The following RTL9 variants were observed in gnomAD, a reference collection of about 807,000 sequenced individuals.
The protein encoded by RTL9 is retrotransposon Gag like 9, also known as retrotransposon Gag-like protein 9.
A neutral mutation model predicts 44.7 loss-of-function variants in RTL9; 19 were observed. That is an observed-to-expected ratio of 0.42 (90% CI 0.30 to 0.62). RTL9 has a LOEUF of 0.62. Among genes scored for constraint, RTL9 ranks in the 20% least tolerant of loss-of-function variants. The pLI is 0.16. For synonymous variants in RTL9, 407 were observed against 398.9 expected (o/e 1.02, Z -0.24); for missense variants, 1,105 against 1,080.6 (o/e 1.02, Z -0.32).
intron 1 of RTL9, among the ~76,000 whole-genome samples, chrX:110,400,498 C>T (rs921244317): frequency 5.4e-5 from 6 of 110,562 alleles, no homozygotes; most frequent in Non-Finnish European, 1.1e-4. Flanking sequence ...TACCCTACCT[C>T]TTCTGACTCC....
At chrX:110,417,258 G>A (rs974111110), upstream of RTL9, among the ~76,000 whole-genome samples, 10 of 112,195 alleles carry the variant, frequency 8.9e-5, no homozygotes, top group African/African-American at 3.2e-4. Flanking sequence ...GGAGTGAAGA[G>A]GCAGCAGGCC....
intron 1 of RTL9, among the ~76,000 whole-genome samples, chrX:110,374,660 G>T (rs1265333792): frequency 1.8e-5 from 2 of 112,068 alleles, no homozygotes; most frequent in African/African-American, 6.5e-5. Context: ...GTTAAAGAAG[G>T]TTTCATAAAG....
intron 1 of RTL9, among the ~76,000 whole-genome samples, chrX:110,429,485 TTG>T (rs780140417): frequency 0.16 from 16,164 of 99,130 alleles, 1,100 homozygotes; most frequent in Non-Finnish European, 0.2. Context: ...TTTTGTTTTT[TTG>T]GTTTTTTTGT....
At position 110,438,139 on chromosome X, in the gene RTL9, T is replaced by C. The variant is rs192692956; in HGVS notation, c.-167-7014T>C. On this transcript the variant is annotated intron_variant, in intron 1 of 3. Coordinates refer to the RTL9 transcript ENST00000465301. ...ACTCCTGTTCTGAGGCTCATGTTTGTACCTAGAATGATTTCATGTTCCTCC... is the reference window on the plus strand; with the variant it reads ...ACTCCTGTTCTGAGGCTCATGTTTGCACCTAGAATGATTTCATGTTCCTCC... Among the ~76,000 whole-genome samples, 153 of 111,384 alleles carry C rather than the reference T, an allele frequency of 1.4e-3. 1 individual carries two copies. Among genetic ancestry groups the C allele is most frequent in the Non-Finnish European group, 2.3e-3 (122 of 53,131 alleles).
intron 1 of RTL9, among the ~76,000 whole-genome samples, chrX:110,411,007 T>C (rs1469010206): frequency 8.9e-6 from 1 of 112,473 alleles, no homozygotes; most frequent in Non-Finnish European, 1.9e-5. Context: ...CAGTCTTCTG[T>C]GTCCAAAGCT....
At chrX:110,387,870 T>C (rs1240549299) in intron 1 of RTL9, among the ~76,000 whole-genome samples, 2 of 98,670 alleles carry the variant, frequency 2.0e-5, no homozygotes, top group African/African-American at 7.6e-5. Flanking sequence ...TTTTTTTTTT[T>C]TTTTTTTTTG....
chrX:110,431,108 G>C (rs922989831), intron 1 of RTL9, among the ~76,000 whole-genome samples: 1 of 111,981 alleles, frequency 8.9e-6, no homozygotes, highest in African/African-American at 3.3e-5. Context: ...TGGAGGAAAG[G>C]GGGGCTTTAT....
At chrX:110,432,905 G>A (rs1323601766) in intron 1 of RTL9, among the ~76,000 whole-genome samples, 2 of 112,818 alleles carry the variant, frequency 1.8e-5, no homozygotes, top group Admixed American at 9.3e-5. Flanking sequence ...TCTAGGAGAA[G>A]CATTTTATAG....
intron 1 of RTL9, among the ~76,000 whole-genome samples, chrX:110,438,895 C>G (rs909751557): frequency 1.8e-5 from 2 of 112,073 alleles, no homozygotes; most frequent in African/African-American, 3.2e-5. Flanking sequence ...AATATGCTTG[C>G]CTTCTTTTAT....
chrX:110,414,453 T>C (rs1602985696), upstream of RTL9, among the ~76,000 whole-genome samples: 1 of 112,666 alleles, frequency 8.9e-6, no homozygotes, highest in East Asian at 2.8e-4. Flanking sequence ...GTATCGAGTG[T>C]CTTCTAGGTA....
chrX:110,432,331 C>A (rs1001837943), intron 1 of RTL9, among the ~76,000 whole-genome samples: 4 of 112,524 alleles, frequency 3.6e-5, no homozygotes, highest in African/African-American at 1.3e-4. Flanking sequence ...ACTACACCCC[C>A]TGCCGGGTTC....
chrX:110,397,344 C>T (rs2068534925), intron 1 of RTL9, among the ~76,000 whole-genome samples: 1 of 111,079 alleles, frequency 9.0e-6, no homozygotes, highest in Non-Finnish European at 1.9e-5. Context: ...TAGTGGATGA[C>T]TGATCAGTCT....
chrX:110,379,717 AG>A (rs752215046), intron 1 of RTL9, among the ~76,000 whole-genome samples: 1 of 112,195 alleles, frequency 8.9e-6, no homozygotes, highest in South Asian at 3.7e-4. Flanking sequence ...TAAATGGGGA[AG>A]CAAAAAAATA....
At chrX:110,408,540 T>C (rs1342096693) in intron 1 of RTL9, among the ~76,000 whole-genome samples, 2 of 112,426 alleles carry the variant, frequency 1.8e-5, no homozygotes, top group Admixed American at 1.9e-4. Flanking sequence ...GTTTTATACC[T>C]AAGCATAAAG....
chrX:110,430,412 CTAT>C (rs1316541753), intron 1 of RTL9, among the ~76,000 whole-genome samples: 2 of 112,340 alleles, frequency 1.8e-5, no homozygotes, highest in Non-Finnish European at 3.8e-5. Flanking sequence ...AGGTAGGTTA[CTAT>C]TATTATCTTC....
In RTL9 at chrX:110,452,736, G is replaced by A. The variant is rs762202345; in HGVS notation, c.2119G>A (p.Ala707Thr). ...AGCTCAAGACCCAGGAGTAATGCCT[G>A]CCTCACTAATGAGAGCCAAAGTGTC... Residue 707 changes from alanine (A) to threonine (T), a missense_variant, in exon 1 of 2, where the codon GCC (alanine) becomes ACC (threonine). Transcript: ENST00000540313. 5 of 1,207,203 alleles carry A rather than the reference G, an allele frequency of 4.1e-6. No homozygotes were observed. In the South Asian group the frequency reaches 7.1e-5, roughly 17 times the overall value.
At chrX:110,362,147 A>G (rs2068268151) in intron 1 of RTL9, among the ~76,000 whole-genome samples, 1 of 112,023 alleles carries the variant, frequency 8.9e-6, no homozygotes, top group Non-Finnish European at 1.9e-5. Context: ...TAAAAAATAT[A>G]TATATATAAC....
At chrX:110,363,256 T>C (rs1373778156) in intron 1 of RTL9, among the ~76,000 whole-genome samples, 1 of 111,477 alleles carries the variant, frequency 9.0e-6, no homozygotes, top group East Asian at 2.8e-4. Flanking sequence ...CACAGCACTG[T>C]GAATTTGTGG....
At chrX:110,451,876 C>A (rs780164731) in exon 1 of RTL9, 163 of 1,210,267 alleles carry the variant, frequency 1.3e-4, no homozygotes, top group South Asian at 1.0e-3. Flanking sequence ...GGAGCCCCAG[C>A]CTCTGGAAAT....
Sources: allele counts gnomAD v4.1 joint callset (sites outside exome capture counted in the v4.1 genomes callset), GRCh38; gene constraint gnomAD v4.1.1; transcripts MANE v1.5; gene names NCBI Gene and HGNC (gene_info 2026-07-23, HGNC 2026-07-21).